Variants in ELFN1 observed in about 807,000 individuals in gnomAD.
ELFN1 encodes the protein protein ELFN1.
A neutral mutation model predicts 7.6 loss-of-function variants in ELFN1; 6 were observed. The observed-to-expected ratio is 0.79, with a 90% CI of 0.43 to 1.56. The LOEUF (loss-of-function observed/expected upper bound fraction) is 1.56, where lower values mean the gene tolerates loss of function less well. Ranked by LOEUF, ELFN1 falls within the 40% of genes most tolerant of loss-of-function variation. The pLI, the probability that ELFN1 is intolerant of heterozygous loss-of-function variation, is 0.01. For synonymous variants in ELFN1, 657 were observed against 588.1 expected (o/e 1.12, Z -1.70); for missense variants, 1,169 against 1,232.2 (o/e 0.95, Z 0.77).
At position 1,684,682 on chromosome 7, in the gene ELFN1, T is replaced by C. The variant is rs535674233; in HGVS notation, c.-548-3376T>C. ...CAGTATGCATACCAACTTATTACCA[T>C]CTATTTTTCATTAATACTAACAATT... On this transcript the variant is annotated intron_variant, in intron 1 of 3. Coordinates refer to ENST00000424383, the MANE Select transcript of ELFN1 (RefSeq NM_001128636.4). 4.6e-5 allele frequency among the ~76,000 whole-genome samples: 7 copies of C among 152,330 alleles called. No individual in the cohort carries two copies. The East Asian group carries it at 1.3e-3, about 29-fold the overall frequency.
chr7:1,714,778 C>T (rs144090925), intron 3 of ELFN1, among the ~76,000 whole-genome samples: 2 of 152,350 alleles, frequency 1.3e-5, no homozygotes, highest in Admixed American at 1.3e-4. Flanking sequence ...GTATTTTATG[C>T]TGTGTCAGCT....
At chr7:1,712,905 C>A (rs946452496) in intron 3 of ELFN1, among the ~76,000 whole-genome samples, 2 of 152,210 alleles carry the variant, frequency 1.3e-5, no homozygotes, top group African/African-American at 4.8e-5. Context: ...TAAGGCCCCT[C>A]AGGAGGGAAG....
At position 1,744,490 on chromosome 7, in the gene ELFN1, C is replaced by A. The variant is rs115530409; in HGVS notation, c.-107C>A. On this transcript the variant is annotated 5_prime_UTR_variant, in exon 4 of 4. Coordinates refer to ENST00000424383, the MANE Select transcript of ELFN1 (RefSeq NM_001128636.4). ...TTGGGACAGGACACCCCTGAGAGTG[C>A]AGGCACCTCCCCCTCCCGCCCCTCC... The A allele has an allele frequency of 0.034, 43,669 of 1,285,414 alleles. 854 individuals carry two copies. Among genetic ancestry groups the A allele is most frequent in the Non-Finnish European group, 0.038 (36,602 of 970,794 alleles). The allele number at this position is 1,285,414 out of a possible 1,614,324, so 79.6% of individuals were successfully genotyped here.
chr7:1,699,160 G>A (rs1369814326), intron 2 of ELFN1, among the ~76,000 whole-genome samples: 1 of 152,198 alleles, frequency 6.6e-6, no homozygotes, highest in Non-Finnish European at 1.5e-5. Flanking sequence ...ATGTAAGGCT[G>A]TACCTCAGTT....
At chr7:1,713,841 C>G (rs763177844) in intron 3 of ELFN1, among the ~76,000 whole-genome samples, 1 of 152,146 alleles carries the variant, frequency 6.6e-6, no homozygotes, top group Non-Finnish European at 1.5e-5. Flanking sequence ...CGCCAATCCC[C>G]GCACCCTGCG....
In ELFN1 at chr7:1,695,473, C is replaced by T. The variant is rs934395299; in HGVS notation, c.-456+7323C>T. On this transcript the variant is annotated intron_variant, in intron 2 of 3. Transcript: ENST00000424383. The surrounding 1 kb of genome is among the most constrained non-coding windows in gnomAD (Gnocchi z 5.1). ...ACTTTGAAAACTGTGCAGCCGTGCGCGGCCACTCACACCTGTAATTCCAGC... is the reference window on the plus strand; with the variant it reads ...ACTTTGAAAACTGTGCAGCCGTGCGTGGCCACTCACACCTGTAATTCCAGC... 2.0e-5 allele frequency among the ~76,000 whole-genome samples: 3 copies of T among 152,126 alleles called. No homozygotes were observed. Among genetic ancestry groups the T allele is most frequent in the African/African-American group, 4.8e-5 (2 of 41,412 alleles).
At chr7:1,703,697 G>A (rs1217475175) in intron 2 of ELFN1, among the ~76,000 whole-genome samples, 1 of 152,156 alleles carries the variant, frequency 6.6e-6, no homozygotes, top group African/African-American at 2.4e-5. Flanking sequence ...GGCATCTTGT[G>A]CGCTGGGATT....
At chr7:1,710,004 G>T (rs536061298) in intron 3 of ELFN1, among the ~76,000 whole-genome samples, 24 of 152,334 alleles carry the variant, frequency 1.6e-4, no homozygotes, top group Admixed American at 3.9e-4. Flanking sequence ...AATTTAGCAG[G>T]TCCTGTTCCG....
At position 1,711,619 on chromosome 7, in the gene ELFN1, A is replaced by G. The variant is rs185123108; in HGVS notation, c.-294+2367A>G. Among the ~76,000 whole-genome samples the G allele has an allele frequency of 2.7e-3, 375 of 138,096 alleles. 5 individuals carry two copies. Among genetic ancestry groups the G allele is most frequent in the African/African-American group, 0.011 (363 of 32,072 alleles). 90.6% of individuals were successfully genotyped at this position (138,096 alleles called of 152,430 possible). On this transcript the variant is annotated intron_variant, in intron 3 of 3. Coordinates refer to ENST00000424383, the MANE Select transcript of ELFN1 (RefSeq NM_001128636.4). ...GAGAGAGAGAGAGAGAGAGAGAGAG[A>G]GAGAGAGAATGAGACAAGGGAGAAA...
chr7:1,743,314 C>T (rs1055851424), intron 3 of ELFN1, among the ~76,000 whole-genome samples: 4 of 152,308 alleles, frequency 2.6e-5, no homozygotes, highest in East Asian at 1.9e-4. Flanking sequence ...CAGAGGACCC[C>T]GTATGGTGGT....
Position 1,746,205 on chromosome 7 carries a change from A to G in ELFN1, c.1609A>G (p.Arg537Gly), listed in dbSNP as rs777231788. 17 of 1,554,298 alleles carry G rather than the reference A, an allele frequency of 1.1e-5. No individual in the cohort carries two copies. Among genetic ancestry groups the G allele is most frequent in the Non-Finnish European group, 1.5e-5 (17 of 1,150,238 alleles). The stretch of plus-strand genomic sequence containing the variant: ...TCGAACCGGGGACCCTCCGGAACGC[A>G]GGGACTGTGAGCTGGGCCGGCCGGG... ...EVRTGDPPERRDCELGRPGPD... is the reference protein window; with the variant it reads ...EVRTGDPPERGDCELGRPGPD... The change falls in exon 4 of 4, where the codon AGG (arginine) becomes GGG (glycine). Residue 537 changes from arginine to glycine, a missense_variant. Arg to Gly is a moderately radical substitution (Grantham distance 125). Around this residue, in one of 2 missense-constraint regions of ELFN1, gnomAD observed 914 missense variants for 872.6 expected, o/e 1.05. Coordinates refer to ENST00000424383, the MANE Select transcript of ELFN1 (RefSeq NM_001128636.4).
chr7:1,714,034 C>T (rs376967347), intron 3 of ELFN1, among the ~76,000 whole-genome samples: 7 of 152,330 alleles, frequency 4.6e-5, no homozygotes, highest in South Asian at 2.1e-4. Context: ...GCCGGCTCCC[C>T]GAGTCCCCGC....
At chr7:1,687,127 G>A (rs951634410) in intron 1 of ELFN1, among the ~76,000 whole-genome samples, 1 of 152,176 alleles carries the variant, frequency 6.6e-6, no homozygotes, top group Non-Finnish European at 1.5e-5. Flanking sequence ...TGAGTTGGGG[G>A]GAGGTGCGGG....
intron 3 of ELFN1, among the ~76,000 whole-genome samples, chr7:1,721,526 G>C (rs1180625838): frequency 2.6e-5 from 4 of 152,230 alleles, no homozygotes; most frequent in African/African-American, 9.6e-5. Flanking sequence ...CGCCTTGTCG[G>C]CTGGAAGAAG....
chr7:1,718,642 C>T (rs570245739), intron 3 of ELFN1, among the ~76,000 whole-genome samples: 20 of 152,130 alleles, frequency 1.3e-4, no homozygotes, highest in Admixed American at 3.9e-4. Context: ...GACAGTAGGG[C>T]GGACCAGGAT....
intron 2 of ELFN1, among the ~76,000 whole-genome samples, chr7:1,704,146 G>C (rs184416614): frequency 6.6e-6 from 1 of 152,190 alleles, no homozygotes; most frequent in Non-Finnish European, 1.5e-5. Context: ...AACCGCTGTT[G>C]TTCTTGTTAC....
chr7:1,719,293 A>T (rs1779940302), intron 3 of ELFN1, among the ~76,000 whole-genome samples: 2 of 138,560 alleles, frequency 1.4e-5, no homozygotes, highest in Admixed American at 1.4e-4. Context: ...CCGCCCACCA[A>T]CAGGGCCCCG....
At chr7:1,720,750 A>G (rs1226697416) in intron 3 of ELFN1, among the ~76,000 whole-genome samples, 1 of 88,628 alleles carries the variant, frequency 1.1e-5, no homozygotes, top group Non-Finnish European at 2.1e-5. Context: ...CCCCGCACCT[A>G]GTACTTGGAT....
Position 1,705,435 on chromosome 7 carries a change from AAGG to A in ELFN1, c.-455-3644_-455-3642del, listed in dbSNP as rs1168306596. The stretch of plus-strand genomic sequence containing the variant: ...GTTGATGAGTTGTTCTTCATCCTGG[AAGG>A]AGGAGGAGGAGCTCCCCCCAACCGC... On this transcript the variant is annotated intron_variant, in intron 2 of 3. Transcript: ENST00000424383. This position sits in a 1 kb window ranked among gnomAD's most constrained non-coding sequence, Gnocchi z 4.3. Among the ~76,000 whole-genome samples, 1 of 152,176 alleles carries A rather than the reference AAGG, an allele frequency of 6.6e-6. No homozygotes were observed. Among genetic ancestry groups the A allele is most frequent in the Non-Finnish European group, 1.5e-5 (1 of 68,016 alleles).
Sources: gnomAD v4.1 joint callset for allele counts (sites outside exome capture counted in the v4.1 genomes callset) on GRCh38, gnomAD v4.1.1 for gene constraint, gnomAD v4.1.1 regional missense constraint, Gnocchi (gnomAD v3.1) non-coding constraint, MANE v1.5 for transcripts, NCBI Gene and HGNC (gene_info 2026-07-23, HGNC 2026-07-21) for gene names.